SLC24A2: variants seen among roughly 807,000 people sequenced by gnomAD.
SLC24A2 encodes solute carrier family 24 member 2.
In SLC24A2, 36 loss-of-function variants were observed where a neutral mutation model predicts 62.0. The observed-to-expected ratio is 0.58, with a 90% confidence interval of 0.44 to 0.77. SLC24A2 has a LOEUF of 0.77. Ranked by LOEUF, SLC24A2 falls within the 30% of genes least tolerant of loss-of-function variation. The pLI, the probability that SLC24A2 is intolerant of heterozygous loss-of-function variation, is 0.00. For missense variants in SLC24A2, 846 were observed against 817.9 expected, an observed-to-expected ratio of 1.03 and a Z score of -0.42; for synonymous variants, 358 against 294.0, an observed-to-expected ratio of 1.22 and a Z score of -2.23.
At chr9:19,683,643 A>ATT (rs1819788820) in intron 2 of SLC24A2, among the ~76,000 whole-genome samples, 1 of 151,334 alleles carries the variant, frequency 6.6e-6, no homozygotes, top group Non-Finnish European at 1.5e-5. Context: ...TTTCCCACTT[A>ATT]TTTTAAATGG....
the SLC24A2 span, among the ~76,000 whole-genome samples, chr9:20,198,034 G>C: frequency 6.6e-6 from 1 of 152,154 alleles, no homozygotes; most frequent in Admixed American, 6.5e-5. Flanking sequence ...AGAGTAAAAG[G>C]TGGTTACAAA....
At chr9:19,563,352 A>G (rs995612650) in intron 7 of SLC24A2, among the ~76,000 whole-genome samples, 1 of 151,918 alleles carries the variant, frequency 6.6e-6, no homozygotes, top group Non-Finnish European at 1.5e-5. Context: ...TTATTTTTAA[A>G]GTTTGAAAAT....
the SLC24A2 span, among the ~76,000 whole-genome samples, chr9:20,166,127 A>C: frequency 1.3e-5 from 2 of 152,094 alleles, no homozygotes; most frequent in East Asian, 3.9e-4. Flanking sequence ...AGTTGACTAT[A>C]ATCTGTTGGC....
intron 8 of SLC24A2, among the ~76,000 whole-genome samples, chr9:19,534,747 C>G (rs1213070844): frequency 1.3e-5 from 2 of 152,126 alleles, no homozygotes. Flanking sequence ...TTTTCTTTAT[C>G]CAGTCTACCA....
At chr9:19,922,587 G>A in the SLC24A2 span, among the ~76,000 whole-genome samples, 2 of 152,204 alleles carry the variant, frequency 1.3e-5, no homozygotes, top group Admixed American at 6.5e-5. Context: ...ACATTGAACT[G>A]TCTCTACTGA....
At chr9:19,845,637 T>C in the SLC24A2 span, among the ~76,000 whole-genome samples, 1 of 152,152 alleles carries the variant, frequency 6.6e-6, no homozygotes, top group Non-Finnish European at 1.5e-5. Context: ...CTGCTAGGTT[T>C]GGGGTATGTT....
intron 5 of SLC24A2, among the ~76,000 whole-genome samples, chr9:19,586,829 T>C (rs1337004423): frequency 2.0e-5 from 3 of 152,190 alleles, no homozygotes; most frequent in Non-Finnish European, 2.9e-5. Flanking sequence ...TATATACAGA[T>C]ACAAATGGCT....
the SLC24A2 span, among the ~76,000 whole-genome samples, chr9:20,142,082 AAAT>A: frequency 1.3e-5 from 2 of 152,052 alleles, no homozygotes; most frequent in Non-Finnish European, 2.9e-5. Context: ...GACTCTACTG[AAAT>A]AATAATAATT....
At chr9:19,546,950 C>T (rs1235156634) in intron 8 of SLC24A2, among the ~76,000 whole-genome samples, 3 of 152,106 alleles carry the variant, frequency 2.0e-5, no homozygotes, top group Admixed American at 2.0e-4. Context: ...AATTTCCTGA[C>T]CCCTTGCACT....
the SLC24A2 span, among the ~76,000 whole-genome samples, chr9:19,922,635 C>T: frequency 3.3e-5 from 5 of 152,140 alleles, no homozygotes; most frequent in Non-Finnish European, 5.9e-5. Flanking sequence ...GAGGGATTGG[C>T]GAGCATCCTA....
At chr9:19,578,015 C>G (rs1281048068) in intron 5 of SLC24A2, among the ~76,000 whole-genome samples, 1 of 151,166 alleles carries the variant, frequency 6.6e-6, no homozygotes, top group African/African-American at 2.4e-5. Context: ...TGTGTTCTCA[C>G]TGATACATGG....
chr9:20,041,169 C>T, the SLC24A2 span, among the ~76,000 whole-genome samples: 4 of 148,674 alleles, frequency 2.7e-5, no homozygotes, highest in South Asian at 6.3e-4. Context: ...CGCGTGCGCA[C>T]GTGTGCGCGC....
At chr9:20,261,149 C>T in the SLC24A2 span, among the ~76,000 whole-genome samples, 13 of 152,128 alleles carry the variant, frequency 8.5e-5, 1 homozygote, top group East Asian at 2.1e-3. Flanking sequence ...CGAGCCACTG[C>T]ACCCGGCCCA....
At chr9:19,743,026 C>T (rs184773065) in intron 2 of SLC24A2, among the ~76,000 whole-genome samples, 10 of 152,222 alleles carry the variant, frequency 6.6e-5, no homozygotes, top group South Asian at 2.1e-4. Flanking sequence ...GTTTCGATGA[C>T]GGGCTTAGGA....
the SLC24A2 span, among the ~76,000 whole-genome samples, chr9:20,040,010 A>G: frequency 6.6e-6 from 1 of 152,366 alleles, no homozygotes; most frequent in Non-Finnish European, 1.5e-5. Context: ...GTGAGTAACT[A>G]AACACTAACT....
At chr9:19,567,945 G>C (rs1051141196) in intron 7 of SLC24A2, among the ~76,000 whole-genome samples, 1 of 152,084 alleles carries the variant, frequency 6.6e-6, no homozygotes, top group African/African-American at 2.4e-5. Context: ...GAAACCTCTC[G>C]GAGATGAGGT....
the SLC24A2 span, chr9:19,895,805 T>C: frequency 6.3e-7 from 1 of 1,596,598 alleles, no homozygotes; most frequent in Non-Finnish European, 8.5e-7. Flanking sequence ...TGTCATCTGC[T>C]TGGGTTGCAG....
At chr9:19,641,539 G>C (rs970802429) in intron 2 of SLC24A2, among the ~76,000 whole-genome samples, 17 of 146,810 alleles carry the variant, frequency 1.2e-4, no homozygotes, top group African/African-American at 4.3e-4. Context: ...TTTTGAGATG[G>C]AGTCTCACTC....
chr9:19,583,782 C>T (rs761067311), intron 5 of SLC24A2, among the ~76,000 whole-genome samples: 12 of 152,198 alleles, frequency 7.9e-5, no homozygotes, highest in Non-Finnish European at 1.8e-4. Flanking sequence ...ATCAGTTGTC[C>T]CCCTCTGCAC....
Sources: allele counts gnomAD v4.1 joint callset (sites outside exome capture counted in the v4.1 genomes callset), GRCh38; gene constraint gnomAD v4.1.1; transcripts MANE v1.5; gene names NCBI Gene and HGNC (gene_info 2026-07-23, HGNC 2026-07-21).